The following SOCS2 variants were observed in gnomAD, a reference collection of about 807,000 sequenced individuals.
SOCS2 encodes suppressor of cytokine signaling 2, also known as CIS-2.
In SOCS2, 10 loss-of-function variants were observed where a neutral mutation model predicts 18.6. The ratio of observed to expected loss-of-function variants is 0.54; its 90% CI spans 0.33 to 0.91. The LOEUF (loss-of-function observed/expected upper bound fraction) is 0.91, where lower values mean the gene tolerates loss of function less well. Ranked by LOEUF, SOCS2 falls within the 40% of genes least tolerant of loss-of-function variation. The probability of loss-of-function intolerance (pLI) is 0.02; values close to 1 mark genes in which losing one functional copy is unlikely to be tolerated. For missense variants in SOCS2, 231 were observed against 247.2 expected, an observed-to-expected ratio of 0.93 and a Z score of 0.44; for synonymous variants, 104 against 104.0, an observed-to-expected ratio of 1.00 and a Z score of 0.00.
rs1319399204 is a variant in SOCS2 at position 93,574,913 on chromosome 12, T to C, written c.331T>C (p.Cys111Arg). The C allele has an allele frequency of 6.2e-7, 1 of 1,614,104 alleles. No individual in the cohort carries two copies. The highest frequency in any genetic ancestry group is 8.5e-7 in the Non-Finnish European group (1 of 1,180,038). Residue 111 changes from cysteine to arginine, a missense_variant, in exon 2 of 2, where the codon TGT (cysteine) becomes CGT (arginine). Physicochemically the swap from Cys to Arg is radical, Grantham distance 180. Transcript: ENST00000551556. Reference protein sequence around the residue: ...DGKFRLDSIICVKSKLKQFDS... With the variant: ...DGKFRLDSIIRVKSKLKQFDS... ...AAAATTCAGATTGGACTCTATCATA[T>C]GTGTCAAATCCAAGCTTAAACAATT...
chr12:93,596,401 A>G, the SOCS2 span, among the ~76,000 whole-genome samples: 73 of 152,338 alleles, frequency 4.8e-4, no homozygotes, highest in African/African-American at 1.6e-3. Flanking sequence ...CTGATTTAAT[A>G]TTTAATATTT....
chr12:93,618,128 G>GAATCTCATC, the SOCS2 span, among the ~76,000 whole-genome samples: 1 of 152,112 alleles, frequency 6.6e-6, no homozygotes, highest in African/African-American at 2.4e-5. Context: ...TCTTCCGCCT[G>GAATCTCATC]CTCTGGCCAT....
chr12:93,583,831 C>G (rs1954567275), downstream of SOCS2, among the ~76,000 whole-genome samples: 1 of 152,226 alleles, frequency 6.6e-6, no homozygotes, highest in South Asian at 2.1e-4. Context: ...ACTGAAAGTT[C>G]CCCACAAACA....
chr12:93,581,666 CT>C (rs1010188047), downstream of SOCS2, among the ~76,000 whole-genome samples: 5 of 151,378 alleles, frequency 3.3e-5, no homozygotes, highest in South Asian at 2.1e-4. Flanking sequence ...TTAGTTTTCT[CT>C]TTTTTTTTCT....
At chr12:93,608,000 C>CTTTTTT in the SOCS2 span, among the ~76,000 whole-genome samples, 3 of 124,464 alleles carry the variant, frequency 2.4e-5, no homozygotes, top group African/African-American at 6.0e-5. Flanking sequence ...GACTGTAAAT[C>CTTTTTT]TTTTTTTTTT....
chr12:93,622,819 T>A, the SOCS2 span, among the ~76,000 whole-genome samples: 1 of 152,086 alleles, frequency 6.6e-6, no homozygotes. Flanking sequence ...CTCCACCTAT[T>A]TACCTAACTG....
chr12:93,618,858 G>A, the SOCS2 span, among the ~76,000 whole-genome samples: 2 of 152,176 alleles, frequency 1.3e-5, no homozygotes, highest in East Asian at 1.9e-4. Context: ...ATCAGTCAGG[G>A]TACCAGCAAG....
chr12:93,595,547 A>G, the SOCS2 span, among the ~76,000 whole-genome samples: 1 of 152,234 alleles, frequency 6.6e-6, no homozygotes, highest in Non-Finnish European at 1.5e-5. Context: ...GGCCAACTGA[A>G]AGTAGAGCCT....
chr12:93,590,525 G>A, the SOCS2 span, among the ~76,000 whole-genome samples: 1 of 151,672 alleles, frequency 6.6e-6, no homozygotes, highest in Non-Finnish European at 1.5e-5. Flanking sequence ...GTATGGGCGT[G>A]GTGGCTCAGG....
chr12:93,584,784 C>T (rs1478370098), downstream of SOCS2, among the ~76,000 whole-genome samples: 26 of 151,372 alleles, frequency 1.7e-4, no homozygotes, highest in South Asian at 8.4e-4. Flanking sequence ...TTTTTTGAGA[C>T]GGAGTTTCGC....
rs571712132 is a variant in SOCS2, at chr12:93,574,762, G to A, written c.180G>A (p.Glu60=). The part of the protein sequence containing the change: ...WGSMTVNEAK[E]KLKEAPEGTF... ...GTATGACTGTTAATGAAGCCAAAGA[G>A]AAATTAAAAGAGGCACCAGAAGGAA... The change falls in exon 2 of 2, where the codon GAG becomes GAA. Residue 60 remains glutamate (E), a synonymous_variant. Transcript: ENST00000551556. 3.0e-5 allele frequency: 49 copies of A among 1,613,912 alleles called. 1 individual carries two copies. The Middle Eastern group carries it at 1.2e-3, about 38-fold the overall frequency.
chr12:93,583,097 A>G (rs2136714228), exon 2 of SOCS2: 1 of 147,690 alleles, frequency 6.8e-6, no homozygotes, highest in Middle Eastern at 3.7e-3. Context: ...TTACCCTATG[A>G]TCGAAGAGTT....
At chr12:93,620,849 A>AT in the SOCS2 span, among the ~76,000 whole-genome samples, 1 of 152,244 alleles carries the variant, frequency 6.6e-6, no homozygotes, top group African/African-American at 2.4e-5. Context: ...CTATTTTGTA[A>AT]TTCATCTTGT....
At chr12:93,602,156 G>A in the SOCS2 span, among the ~76,000 whole-genome samples, 1 of 152,152 alleles carries the variant, frequency 6.6e-6, no homozygotes, top group Admixed American at 6.5e-5. Context: ...GCAGTGGCGC[G>A]ATCACAGCTG....
the SOCS2 span, among the ~76,000 whole-genome samples, chr12:93,621,341 C>T: frequency 2.6e-5 from 4 of 152,144 alleles, no homozygotes; most frequent in African/African-American, 9.7e-5. Context: ...CACAGACTGT[C>T]TATCATGGAT....
At chr12:93,573,507 G>T (rs1044628705) in intron 1 of SOCS2, 1 of 275,300 alleles carries the variant, frequency 3.6e-6, no homozygotes, top group African/African-American at 2.2e-5. Flanking sequence ...CGCGAGGGCG[G>T]CTGCCCGGGC....
downstream of SOCS2, among the ~76,000 whole-genome samples, chr12:93,579,753 G>C (rs1176708444): frequency 2.6e-5 from 4 of 152,098 alleles, no homozygotes; most frequent in Non-Finnish European, 5.9e-5. Context: ...AAAAGTCCTG[G>C]AGTCCCCAGT....
At chr12:93,619,326 CCA>C in the SOCS2 span, among the ~76,000 whole-genome samples, 1 of 152,174 alleles carries the variant, frequency 6.6e-6, no homozygotes, top group Non-Finnish European at 1.5e-5. Flanking sequence ...CTTACACAGT[CCA>C]TAGGGGTCAG....
intron 1 of SOCS2, 23 bp downstream of exon 1, chr12:93,573,059 C>G (rs759270787): frequency 3.9e-6 from 6 of 1,553,868 alleles, no homozygotes; most frequent in Non-Finnish European, 5.2e-6. Flanking sequence ...TCGGCCGCGA[C>G]GCGTGCGGGA....
Sources: allele counts gnomAD v4.1 joint callset (sites outside exome capture counted in the v4.1 genomes callset), GRCh38; gene constraint gnomAD v4.1.1; transcripts MANE v1.5; gene names NCBI Gene and HGNC (gene_info 2026-07-23, HGNC 2026-07-21).